The following CAMKMT variants were observed in gnomAD, a reference collection of about 807,000 sequenced individuals.
CAMKMT encodes the protein CaM KMT.
A neutral mutation model predicts 48.0 loss-of-function variants in CAMKMT; 53 were observed. That is an observed-to-expected ratio of 1.10 (90% confidence interval 0.89 to 1.39). CAMKMT has a LOEUF of 1.39. Ranked by LOEUF, CAMKMT falls within the 40% of genes most tolerant of loss-of-function variation. The probability of loss-of-function intolerance (pLI) is 0.00; values close to 1 mark genes in which losing one functional copy is unlikely to be tolerated. For missense variants in CAMKMT, 428 were observed against 402.7 expected, an observed-to-expected ratio of 1.06 and a Z score of -0.54; for synonymous variants, 165 against 152.3, an observed-to-expected ratio of 1.08 and a Z score of -0.61.
chr2:44,590,239 T>C (rs761140318), intron 3 of CAMKMT, among the ~76,000 whole-genome samples: 91 of 152,322 alleles, frequency 6.0e-4, no homozygotes, highest in Non-Finnish European at 1.2e-3. Context: ...TTTGTCTTTG[T>C]CTGGTTTTTG....
At position 44,594,763 on chromosome 2, in the gene CAMKMT, A is replaced by G. The variant is rs187878386; in HGVS notation, c.377-109520A>G. ...GGACATAGGCATGGGCAAAGACTTT[A>G]TGACTAAAACACCAAAAGCAATGGC... On this transcript the variant is annotated intron_variant, in intron 3 of 10. Coordinates refer to ENST00000378494, the MANE Select transcript of CAMKMT (RefSeq NM_024766.5). 3.9e-3 allele frequency among the ~76,000 whole-genome samples: 591 copies of G among 152,352 alleles called. 2 individuals carry two copies. Among genetic ancestry groups the G allele is most frequent in the African/African-American group, 0.013 (556 of 41,576 alleles).
chr2:44,673,516 A>AGGAG (rs1362257860), intron 3 of CAMKMT, among the ~76,000 whole-genome samples: 16 of 105,258 alleles, frequency 1.5e-4, no homozygotes, highest in African/African-American at 4.3e-4. Flanking sequence ...GAAGGAAGGA[A>AGGAG]GGAAGGAGGG....
chr2:44,650,588 ATTAC>A (rs1483433196), intron 3 of CAMKMT, among the ~76,000 whole-genome samples: 1 of 152,228 alleles, frequency 6.6e-6, no homozygotes, highest in African/African-American at 2.4e-5. Context: ...TTGAGAAACA[ATTAC>A]TTTAACTACA....
chr2:44,675,079 G>GGGT (rs1558788069), intron 3 of CAMKMT, among the ~76,000 whole-genome samples: 1 of 139,022 alleles, frequency 7.2e-6, no homozygotes, highest in Non-Finnish European at 1.6e-5. Flanking sequence ...CCAACCTTAA[G>GGGT]GGGGGGAAAA....
chr2:44,380,883 C>T (rs180698343), intron 2 of CAMKMT, among the ~76,000 whole-genome samples: 159 of 152,102 alleles, frequency 1.0e-3, no homozygotes, highest in Non-Finnish European at 7.9e-4. Flanking sequence ...TGCTTTCGGC[C>T]GGGCATGGTG....
At chr2:44,414,754 T>G (rs1047724127) in intron 3 of CAMKMT, among the ~76,000 whole-genome samples, 15 of 152,214 alleles carry the variant, frequency 9.9e-5, no homozygotes, top group African/African-American at 3.4e-4. Flanking sequence ...CTCCTCGTGA[T>G]GGATATCATC....
At chr2:44,612,826 G>A (rs546664940) in intron 3 of CAMKMT, among the ~76,000 whole-genome samples, 13 of 152,244 alleles carry the variant, frequency 8.5e-5, no homozygotes, top group African/African-American at 2.9e-4. Flanking sequence ...TTTAATTATT[G>A]TTAAGCTTAC....
At chr2:44,486,743 C>G (rs1053779086) in intron 3 of CAMKMT, among the ~76,000 whole-genome samples, 1 of 152,184 alleles carries the variant, frequency 6.6e-6, no homozygotes, top group African/African-American at 2.4e-5. Flanking sequence ...TCAGTTTGGG[C>G]CAAATGCTTT....
intron 3 of CAMKMT, among the ~76,000 whole-genome samples, chr2:44,560,721 A>T (rs967235920): frequency 6.6e-6 from 1 of 152,212 alleles, no homozygotes; most frequent in African/African-American, 2.4e-5. Flanking sequence ...ATCCTTCAAA[A>T]TCATCTGAAC....
At chr2:44,724,579 G>C (rs1678672156) in intron 7 of CAMKMT, among the ~76,000 whole-genome samples, 1 of 152,150 alleles carries the variant, frequency 6.6e-6, no homozygotes, top group Non-Finnish European at 1.5e-5. Context: ...TTGTTGCTCA[G>C]ATGAGTAAAC....
intron 9 of CAMKMT, among the ~76,000 whole-genome samples, chr2:44,756,538 G>A (rs1192192737): frequency 2.0e-5 from 3 of 151,872 alleles, no homozygotes; most frequent in Non-Finnish European, 2.9e-5. Context: ...TCAGGAGATC[G>A]AGACCATCCT....
chr2:44,529,039 T>G (rs954259962), intron 3 of CAMKMT, among the ~76,000 whole-genome samples: 1 of 152,196 alleles, frequency 6.6e-6, no homozygotes, highest in Admixed American at 6.5e-5. Context: ...AGTTGGACTA[T>G]TTCTATAAAG....
intron 3 of CAMKMT, among the ~76,000 whole-genome samples, chr2:44,411,771 C>T (rs1683219140): frequency 6.6e-6 from 1 of 151,948 alleles, no homozygotes; most frequent in Non-Finnish European, 1.5e-5. Context: ...TAAATGGTTT[C>T]CACCAGTTGC....
At chr2:44,407,542 CT>C (rs1170767692) in intron 3 of CAMKMT, among the ~76,000 whole-genome samples, 2 of 152,136 alleles carry the variant, frequency 1.3e-5, no homozygotes, top group Non-Finnish European at 2.9e-5. Context: ...TGGAGATTGT[CT>C]TGGCCAAGTT....
intron 3 of CAMKMT, among the ~76,000 whole-genome samples, chr2:44,503,216 G>A (rs1051567687): frequency 6.6e-6 from 1 of 151,920 alleles, no homozygotes; most frequent in East Asian, 1.9e-4. Context: ...TCCCCTGCTT[G>A]TGTCATTCAG....
At chr2:44,450,437 A>G (rs1454995121) in intron 3 of CAMKMT, among the ~76,000 whole-genome samples, 2 of 152,150 alleles carry the variant, frequency 1.3e-5, no homozygotes, top group African/African-American at 2.4e-5. Context: ...TGAAGATCTT[A>G]GCGTTAATTA....
At chr2:44,697,732 G>T (rs1449094958) in intron 3 of CAMKMT, among the ~76,000 whole-genome samples, 1 of 152,036 alleles carries the variant, frequency 6.6e-6, no homozygotes, top group East Asian at 1.9e-4. Context: ...GATGGCGTGG[G>T]GTGGATAAGG....
intron 3 of CAMKMT, among the ~76,000 whole-genome samples, chr2:44,619,852 T>C (rs946095432): frequency 6.6e-6 from 1 of 152,204 alleles, no homozygotes; most frequent in African/African-American, 2.4e-5. Flanking sequence ...GAAATAAATA[T>C]TTCAACATTA....
At chr2:44,375,668 A>G (rs1185331259) in intron 2 of CAMKMT, among the ~76,000 whole-genome samples, 2 of 152,202 alleles carry the variant, frequency 1.3e-5, no homozygotes, top group Non-Finnish European at 2.9e-5. Context: ...GAAAATACAC[A>G]GGGTAAGAAA....
Sources: allele counts gnomAD v4.1 joint callset (sites outside exome capture counted in the v4.1 genomes callset), GRCh38; gene constraint gnomAD v4.1.1; transcripts MANE v1.5; gene names NCBI Gene and HGNC (gene_info 2026-07-23, HGNC 2026-07-21).